Variants in SLC9A4 observed in about 807,000 individuals in gnomAD.
SLC9A4 encodes sodium/hydrogen exchanger 4.
A neutral mutation model predicts 67.4 loss-of-function variants in SLC9A4; 63 were observed. The observed-to-expected ratio is 0.93, with a 90% CI of 0.76 to 1.15. The LOEUF (loss-of-function observed/expected upper bound fraction) is 1.15, where lower values mean the gene tolerates loss of function less well. Among genes scored for constraint, SLC9A4 ranks in the 50% most tolerant of loss-of-function variants. The pLI is 0.00. For missense variants in SLC9A4, 1,089 were observed against 987.7 expected (o/e 1.10, Z -1.38); for synonymous variants, 393 against 367.2 (o/e 1.07, Z -0.80).
intron 11 of SLC9A4, among the ~76,000 whole-genome samples, chr2:102,530,887 A>G (rs1274856983): frequency 6.6e-6 from 1 of 152,130 alleles, no homozygotes; most frequent in African/African-American, 2.4e-5. Flanking sequence ...TTAGAAAAAC[A>G]TTATTGAACA....
intron 2 of SLC9A4, among the ~76,000 whole-genome samples, chr2:102,479,752 G>T (rs1028949635): frequency 6.6e-6 from 1 of 152,186 alleles, no homozygotes; most frequent in African/African-American, 2.4e-5. Context: ...TGAAATAAAA[G>T]ATAAGGGTCA....
intron 5 of SLC9A4, 135 bp from the exon 6 acceptor site, chr2:102,508,712 T>C: frequency 1.6e-6 from 1 of 626,802 alleles, no homozygotes; most frequent in East Asian, 3.0e-5. Context: ...AAATGAACAT[T>C]GCAGCATTTA....
At chr2:102,512,321 A>G (rs1558669388) in intron 7 of SLC9A4, 48 bp downstream of exon 7, 1 of 1,588,338 alleles carries the variant, frequency 6.3e-7, no homozygotes, top group Non-Finnish European at 8.6e-7. Flanking sequence ...TAAAGGTTCC[A>G]TTGGAAGCTG....
chr2:102,494,810 C>T (rs1684772300), intron 2 of SLC9A4, among the ~76,000 whole-genome samples: 1 of 151,992 alleles, frequency 6.6e-6, no homozygotes, highest in African/African-American at 2.4e-5. Context: ...GTATATCCAC[C>T]TAATATTAGT....
At chr2:102,531,066 T>C (rs893270556) in intron 11 of SLC9A4, among the ~76,000 whole-genome samples, 6 of 146,020 alleles carry the variant, frequency 4.1e-5, no homozygotes, top group Non-Finnish European at 9.0e-5. Flanking sequence ...TAAATTCTTT[T>C]TTTTTTTTTT....
At position 102,505,302 on chromosome 2, in the gene SLC9A4, G is replaced by A. The variant is rs1437749706; in HGVS notation, c.1029G>A (p.Val343=). The A allele has an allele frequency of 6.2e-7, 1 of 1,614,102 alleles. No homozygotes were observed. The highest frequency in any genetic ancestry group is 8.5e-7 in the Non-Finnish European group (1 of 1,180,050). Residue 343 remains valine, a synonymous_variant, in exon 4 of 12, where the codon GTG becomes GTA. Transcript: ENST00000295269. ...TGAAAAAGTACGTGGAAGAAAACGT[G>A]TCCCAGACATCATACACGACCATCA... ...VTMKKYVEEN[V]SQTSYTTIKY...
chr2:102,531,423 G>C (rs929938490), intron 11 of SLC9A4, among the ~76,000 whole-genome samples: 2 of 152,154 alleles, frequency 1.3e-5, no homozygotes, highest in Admixed American at 1.3e-4. Context: ...TCCAAGAGGG[G>C]ACATTGCATA....
At chr2:102,514,854 G>A (rs928332126) in intron 8 of SLC9A4, among the ~76,000 whole-genome samples, 1 of 152,138 alleles carries the variant, frequency 6.6e-6, no homozygotes, top group Non-Finnish European at 1.5e-5. Flanking sequence ...TGGATTCCTG[G>A]GGAACAGGGA....
intron 3 of SLC9A4, 88 bp downstream of exon 3, chr2:102,503,795 A>G: frequency 6.6e-7 from 1 of 1,506,202 alleles, no homozygotes; most frequent in Non-Finnish European, 9.0e-7. Context: ...GGAAAGACAT[A>G]ACCAATGACG....
chr2:102,518,041 A>C (rs1269667765), intron 8 of SLC9A4, among the ~76,000 whole-genome samples: 1 of 152,228 alleles, frequency 6.6e-6, no homozygotes, highest in Admixed American at 6.5e-5. Context: ...ACCTTGCCCA[A>C]GGGAATCAAT....
chr2:102,514,189 G>A lies in SLC9A4; in HGVS notation c.1659G>A (p.Lys553=), dbSNP rs769818324. The A allele has an allele frequency of 1.2e-6, 2 of 1,613,986 alleles. No individual in the cohort carries two copies. Among genetic ancestry groups the A allele is most frequent in the Admixed American group, 3.3e-5 (2 of 59,994 alleles). The part of the protein sequence containing the change: ...IVSLYKKLEM[K]QAIEMVETGI... Reference sequence around the variant, plus strand: ...CTTTGTACAAGAAGCTGGAAATGAAGCAAGCCATCGAGATGGTGGAGACTG... The same window carrying A: ...CTTTGTACAAGAAGCTGGAAATGAAACAAGCCATCGAGATGGTGGAGACTG... Residue 553 remains lysine, a synonymous_variant, in exon 8 of 12, where the codon AAG becomes AAA. Transcript: ENST00000295269.
At chr2:102,488,158 T>C (rs561708556) in intron 2 of SLC9A4, among the ~76,000 whole-genome samples, 1 of 152,270 alleles carries the variant, frequency 6.6e-6, no homozygotes, top group Non-Finnish European at 1.5e-5. Context: ...CCTAGTCCTG[T>C]GGTTTTCAAC....
At chr2:102,499,279 A>G (rs1286218602) in intron 2 of SLC9A4, among the ~76,000 whole-genome samples, 1 of 126,734 alleles carries the variant, frequency 7.9e-6, no homozygotes, top group Non-Finnish European at 1.6e-5. Flanking sequence ...AGATGGATAG[A>G]TGATATATAG....
At chr2:102,512,156 A>G (rs938510138) in intron 6 of SLC9A4, 47 bp from the exon 7 acceptor site, 2 of 1,606,650 alleles carry the variant, frequency 1.2e-6, no homozygotes, top group Admixed American at 3.3e-5. Context: ...TGTGTCTTTC[A>G]GAGTTCGCGT....
intron 8 of SLC9A4, among the ~76,000 whole-genome samples, chr2:102,515,096 G>T (rs1203435393): frequency 6.6e-6 from 1 of 152,004 alleles, no homozygotes; most frequent in Non-Finnish European, 1.5e-5. Context: ...GATTTATTGG[G>T]AAAATTAATC....
At chr2:102,532,296 G>C (rs886912315) in intron 11 of SLC9A4, 34 bp from the exon 12 acceptor site, 11 of 1,587,776 alleles carry the variant, frequency 6.9e-6, no homozygotes, top group African/African-American at 2.7e-5. Context: ...CTTAAGTCTT[G>C]TTCTTTCCCC....
chr2:102,481,679 T>C (rs1256101886), intron 2 of SLC9A4, among the ~76,000 whole-genome samples: 1 of 152,190 alleles, frequency 6.6e-6, no homozygotes, highest in Non-Finnish European at 1.5e-5. Flanking sequence ...CCAAATATTT[T>C]CTTCCATTCT....
At chr2:102,519,552 A>G (rs985425127) in intron 8 of SLC9A4, among the ~76,000 whole-genome samples, 1 of 152,206 alleles carries the variant, frequency 6.6e-6, no homozygotes, top group Non-Finnish European at 1.5e-5. Context: ...GTGTTGTACA[A>G]ACATTTCAGT....
chr2:102,473,614 C>G lies in SLC9A4; in HGVS notation c.-146C>G, dbSNP rs759017786. 6.1e-5 allele frequency: 59 copies of G among 961,272 alleles called. 1 individual carries two copies. Among genetic ancestry groups the G allele is most frequent in the Non-Finnish European group, 8.8e-5 (58 of 658,904 alleles). The allele number at this position is 961,272 out of a possible 1,614,324, so 59.5% of individuals were successfully genotyped here. Reference sequence around the variant, plus strand: ...TGTCTACATACAGAGCTCAATAACACACTCGGAATCTTCTTGGGAGGACCC... The same window carrying G: ...TGTCTACATACAGAGCTCAATAACAGACTCGGAATCTTCTTGGGAGGACCC... On this transcript the variant is annotated 5_prime_UTR_variant, in exon 1 of 12. Coordinates refer to ENST00000295269, the MANE Select transcript of SLC9A4 (RefSeq NM_001011552.4).
Sources: allele counts gnomAD v4.1 joint callset (sites outside exome capture counted in the v4.1 genomes callset), GRCh38; gene constraint gnomAD v4.1.1; transcripts MANE v1.5; gene names NCBI Gene and HGNC (gene_info 2026-07-23, HGNC 2026-07-21).